Variants in STAG1 observed in about 807,000 individuals in gnomAD.
STAG1 encodes cohesin subunit SA-1.
In STAG1, 26 loss-of-function variants were observed where a neutral mutation model predicts 170.9. The ratio of observed to expected loss-of-function variants is 0.15; its 90% CI spans 0.11 to 0.21. The LOEUF is 0.21. STAG1 is among the 10% of genes least tolerant of loss of function. The probability of loss-of-function intolerance (pLI) is 1.00; values close to 1 mark genes in which losing one functional copy is unlikely to be tolerated. For synonymous variants in STAG1, 514 were observed against 497.7 expected (o/e 1.03, Z -0.44); for missense variants, 964 against 1,509.5 (o/e 0.64, Z 5.99).
intron 1 of STAG1, among the ~76,000 whole-genome samples, chr3:136,695,148 A>C (rs1302347973): frequency 6.6e-6 from 1 of 152,204 alleles, no homozygotes; most frequent in African/African-American, 2.4e-5. Flanking sequence ...GGAAGGTCAA[A>C]AGAACCCAAT....
At chr3:136,528,299 A>G (rs1042409917) in intron 6 of STAG1, among the ~76,000 whole-genome samples, 3 of 152,018 alleles carry the variant, frequency 2.0e-5, no homozygotes, top group Non-Finnish European at 2.9e-5. Context: ...ACCCTCCCCC[A>G]GCCTTACTGC....
chr3:136,609,873 C>G (rs1939178316), intron 3 of STAG1, among the ~76,000 whole-genome samples: 1 of 151,916 alleles, frequency 6.6e-6, no homozygotes, highest in Admixed American at 6.6e-5. Context: ...TGGGTGTCAG[C>G]TTAACATTCC....
rs1934799342 is a variant in STAG1, at chr3:136,743,805, T to TA, written c.-84+8389dup. Among the ~76,000 whole-genome samples the TA allele has an allele frequency of 4.6e-5, 7 of 152,192 alleles. No homozygotes were observed. The South Asian group carries it at 1.2e-3, about 27-fold the overall frequency. Reference sequence around the variant, plus strand: ...CAATAAAACTATAAAGCAATATGCCTAGTGAAGAAATAGGCCAAAAATCCT... The same window carrying TA: ...CAATAAAACTATAAAGCAATATGCCTAAGTGAAGAAATAGGCCAAAAATCCT... On this transcript the variant is annotated intron_variant, in intron 1 of 33. Coordinates refer to ENST00000383202, the MANE Select transcript of STAG1 (RefSeq NM_005862.3).
At chr3:136,589,449 A>T (rs968166609) in intron 4 of STAG1, among the ~76,000 whole-genome samples, 6 of 152,044 alleles carry the variant, frequency 3.9e-5, no homozygotes, top group South Asian at 2.1e-4. Context: ...GGTTGCAGTG[A>T]GCCAAGACTG....
At chr3:136,674,241 C>A (rs1942069786) in intron 1 of STAG1, among the ~76,000 whole-genome samples, 1 of 149,328 alleles carries the variant, frequency 6.7e-6, no homozygotes. Flanking sequence ...AAATTGATAA[C>A]AACCCAAATG....
intron 1 of STAG1, among the ~76,000 whole-genome samples, chr3:136,651,656 G>A (rs1941220175): frequency 6.6e-6 from 1 of 152,004 alleles, no homozygotes; most frequent in Admixed American, 6.6e-5. Context: ...TCTCATGGCA[G>A]AAGATATAAA....
At chr3:136,588,963 AT>A (rs1212355009) in intron 4 of STAG1, among the ~76,000 whole-genome samples, 3 of 151,998 alleles carry the variant, frequency 2.0e-5, no homozygotes, top group Non-Finnish European at 2.9e-5. Flanking sequence ...GGGTTTCACT[AT>A]GTTGGCCATG....
chr3:136,336,767 TCATC>T lies in STAG1; in HGVS notation c.*1483_*1486del, dbSNP rs1227504913. The stretch of plus-strand genomic sequence containing the variant: ...GTCTTTACTAAAAGGATGAATAAAA[TCATC>T]CATCATCATCTTGCTTTCCCGCACA... On this transcript the variant is annotated 3_prime_UTR_variant, in exon 34 of 34. Coordinates refer to ENST00000383202, the MANE Select transcript of STAG1 (RefSeq NM_005862.3). 3 of 152,362 alleles carry T rather than the reference TCATC, an allele frequency of 2.0e-5. No individual in the cohort carries two copies. The highest frequency in any genetic ancestry group is 4.8e-5 in the African/African-American group (2 of 41,588). 9.4% of individuals were successfully genotyped at this position (152,362 alleles called of 1,614,324 possible). A position where few individuals can be genotyped will look rare whatever the true frequency, so the allele number is the denominator to read the frequency against.
intron 1 of STAG1, among the ~76,000 whole-genome samples, chr3:136,634,117 G>A (rs936914315): frequency 6.6e-6 from 1 of 151,266 alleles, no homozygotes; most frequent in Middle Eastern, 3.4e-3. Context: ...CTCCAGTCTC[G>A]GTGACAGAGT....
chr3:136,453,577 C>T (rs34165586), intron 13 of STAG1, among the ~76,000 whole-genome samples: 53,015 of 144,140 alleles, frequency 0.37, 10,557 homozygotes, highest in African/African-American at 0.53. Flanking sequence ...GGTGACAGAG[C>T]GAGACTATGT....
chr3:136,528,466 A>G (rs568406183), intron 6 of STAG1, among the ~76,000 whole-genome samples: 8 of 149,444 alleles, frequency 5.4e-5, no homozygotes, highest in Non-Finnish European at 1.0e-4. Flanking sequence ...AAGGAATACA[A>G]TAATTCCCCA....
chr3:136,622,135 TAAAAAAAAAAAAA>T (rs75542452), intron 3 of STAG1, among the ~76,000 whole-genome samples: 1 of 92,806 alleles, frequency 1.1e-5, no homozygotes, highest in East Asian at 2.9e-4. Context: ...CCATCTCTAC[TAAAAAAAAAAAAA>T]AAAAAAAAAA....
chr3:136,477,162 C>T, intron 10 of STAG1, 127 bp downstream of exon 10: 3 of 992,898 alleles, frequency 3.0e-6, no homozygotes, highest in African/African-American at 1.6e-5. Flanking sequence ...AGTTATTCAG[C>T]TGCATCATCT....
chr3:136,739,008 TC>T (rs1354489111), intron 1 of STAG1, among the ~76,000 whole-genome samples: 4 of 152,100 alleles, frequency 2.6e-5, no homozygotes, highest in Middle Eastern at 3.2e-3. Flanking sequence ...GAAAGTAATG[TC>T]CTACCCAAGA....
chr3:136,619,109 G>A (rs147633158), intron 3 of STAG1, among the ~76,000 whole-genome samples: 5 of 151,900 alleles, frequency 3.3e-5, no homozygotes, highest in Admixed American at 6.6e-5. Flanking sequence ...CTAACATTAG[G>A]ACAATGTGCA....
At chr3:136,683,556 G>A (rs1942413632) in intron 1 of STAG1, among the ~76,000 whole-genome samples, 1 of 152,058 alleles carries the variant, frequency 6.6e-6, no homozygotes, top group South Asian at 2.1e-4. Context: ...GAGCCACAGT[G>A]CCCAGCCTTC....
chr3:136,564,771 A>G (rs1936988690), intron 5 of STAG1, among the ~76,000 whole-genome samples: 1 of 152,050 alleles, frequency 6.6e-6, no homozygotes, highest in Admixed American at 6.6e-5. Flanking sequence ...AATGGTTCTC[A>G]ACCCTCATTC....
At chr3:136,741,166 C>G (rs975511053) in intron 1 of STAG1, among the ~76,000 whole-genome samples, 3 of 152,230 alleles carry the variant, frequency 2.0e-5, no homozygotes, top group African/African-American at 7.2e-5. Flanking sequence ...ATCTGAGTTT[C>G]TCTAAGCTTG....
chr3:136,664,956 G>GA (rs1941705439), intron 1 of STAG1, among the ~76,000 whole-genome samples: 1 of 152,236 alleles, frequency 6.6e-6, no homozygotes, highest in Non-Finnish European at 1.5e-5. Flanking sequence ...CCCAGAGGGT[G>GA]AAACTGCAAA....
Sources: gnomAD v4.1 joint callset for allele counts (sites outside exome capture counted in the v4.1 genomes callset) on GRCh38, gnomAD v4.1.1 for gene constraint, MANE v1.5 for transcripts, NCBI Gene and HGNC (gene_info 2026-07-23, HGNC 2026-07-21) for gene names.